The following AGBL4 variants were observed in gnomAD, a reference collection of about 807,000 sequenced individuals.
The protein encoded by AGBL4 is cytosolic carboxypeptidase 6.
Under a neutral mutation model 66.4 loss-of-function variants are expected in AGBL4, and 58 were observed. That is an observed-to-expected ratio of 0.87 (90% CI 0.71 to 1.09). The LOEUF (loss-of-function observed/expected upper bound fraction) is 1.09. AGBL4 is among the 50% of genes least tolerant of loss of function. The probability of loss-of-function intolerance (pLI) is 0.00; values close to 1 mark genes in which losing one functional copy is unlikely to be tolerated. For missense variants in AGBL4, 579 were observed against 631.0 expected, an observed-to-expected ratio of 0.92 and a Z score of 0.88; for synonymous variants, 234 against 222.9, an observed-to-expected ratio of 1.05 and a Z score of -0.44.
At chr1:49,609,207 C>T (rs1645111327) in intron 3 of AGBL4, among the ~76,000 whole-genome samples, 2 of 152,162 alleles carry the variant, frequency 1.3e-5, no homozygotes, top group Non-Finnish European at 2.9e-5. Context: ...TTTCCTAGTA[C>T]TAGAATTCAA....
At chr1:49,382,650 A>T (rs1644646535) in intron 3 of AGBL4, among the ~76,000 whole-genome samples, 2 of 152,204 alleles carry the variant, frequency 1.3e-5, no homozygotes, top group African/African-American at 2.4e-5. Flanking sequence ...CAGTACTGGA[A>T]GTCCTAGTCA....
chr1:49,998,492 G>A (rs1660519388), intron 1 of AGBL4, among the ~76,000 whole-genome samples: 1 of 152,096 alleles, frequency 6.6e-6, no homozygotes, highest in South Asian at 2.1e-4. Context: ...ATTCACAGCT[G>A]AATTGTATCA....
intron 3 of AGBL4, among the ~76,000 whole-genome samples, chr1:49,247,105 A>C (rs1651706809): frequency 6.6e-6 from 1 of 152,096 alleles, no homozygotes; most frequent in African/African-American, 2.4e-5. Flanking sequence ...AATTCAGGGG[A>C]TAAACAGATA....
the AGBL4 span, among the ~76,000 whole-genome samples, chr1:48,524,482 G>A: frequency 1.7e-4 from 26 of 152,194 alleles, no homozygotes; most frequent in African/African-American, 6.3e-4. Context: ...ACTGGGACTG[G>A]GAAAGAGGAG....
chr1:49,644,073 A>G (rs894494226), intron 3 of AGBL4, among the ~76,000 whole-genome samples: 1 of 151,692 alleles, frequency 6.6e-6, no homozygotes, highest in Non-Finnish European at 1.5e-5. Context: ...GAGAGGGGGA[A>G]ATGGAAGTAT....
At chr1:49,407,981 T>C (rs1645239664) in intron 3 of AGBL4, among the ~76,000 whole-genome samples, 1 of 152,204 alleles carries the variant, frequency 6.6e-6, no homozygotes, top group East Asian at 1.9e-4. Flanking sequence ...TGGCTAACCC[T>C]GCTCCCAGGT....
At chr1:49,074,638 A>C (rs1181536392) in intron 4 of AGBL4, among the ~76,000 whole-genome samples, 1 of 152,194 alleles carries the variant, frequency 6.6e-6, no homozygotes, top group African/African-American at 2.4e-5. Flanking sequence ...TTAAAGAAAA[A>C]GTATTTGAGA....
intron 5 of AGBL4, among the ~76,000 whole-genome samples, chr1:48,881,561 G>A (rs1253828914): frequency 6.6e-6 from 1 of 152,106 alleles, no homozygotes; most frequent in Admixed American, 6.5e-5. Flanking sequence ...TAAATAACAA[G>A]GCCCCTTTCA....
At chr1:49,359,533 G>A (rs905364311) in intron 3 of AGBL4, among the ~76,000 whole-genome samples, 1 of 152,192 alleles carries the variant, frequency 6.6e-6, no homozygotes, top group African/African-American at 2.4e-5. Context: ...CCTAGCTTGT[G>A]TCAGGGGCTA....
At chr1:48,834,054 T>C (rs1487109913) in intron 6 of AGBL4, among the ~76,000 whole-genome samples, 1 of 152,164 alleles carries the variant, frequency 6.6e-6, no homozygotes, top group African/African-American at 2.4e-5. Flanking sequence ...GAGTTCTCCC[T>C]GGTATGTTTT....
At chr1:48,531,747 T>C (rs1643907636), downstream of AGBL4, among the ~76,000 whole-genome samples, 1 of 136,648 alleles carries the variant, frequency 7.3e-6, no homozygotes, top group South Asian at 2.6e-4. Context: ...CTATTCCCAC[T>C]CCCTCTTATT....
At chr1:48,618,967 A>G (rs1218234174) in intron 9 of AGBL4, among the ~76,000 whole-genome samples, 1 of 151,906 alleles carries the variant, frequency 6.6e-6, no homozygotes, top group East Asian at 1.9e-4. Context: ...GGAAATCAAT[A>G]GAATTTCTCC....
At chr1:48,808,313 C>T (rs917113558) in intron 6 of AGBL4, among the ~76,000 whole-genome samples, 11 of 152,210 alleles carry the variant, frequency 7.2e-5, no homozygotes, top group African/African-American at 2.2e-4. Flanking sequence ...GCACCTTAAA[C>T]ATTCTGTCTT....
intron 5 of AGBL4, among the ~76,000 whole-genome samples, chr1:48,997,368 C>T (rs1661096250): frequency 6.6e-6 from 1 of 152,160 alleles, no homozygotes; most frequent in African/African-American, 2.4e-5. Flanking sequence ...TGTGGGTAAG[C>T]ATACAAGTAG....
chr1:49,575,453 G>A (rs150245391), intron 3 of AGBL4, among the ~76,000 whole-genome samples: 2,410 of 152,234 alleles, frequency 0.016, 30 homozygotes, highest in Non-Finnish European at 0.024. Context: ...CCTCTACCTA[G>A]AAAAAATAGT....
intron 5 of AGBL4, among the ~76,000 whole-genome samples, chr1:48,941,581 A>T (rs1050810158): frequency 6.6e-6 from 1 of 152,200 alleles, no homozygotes; most frequent in Non-Finnish European, 1.5e-5. Context: ...ACTCCTTGGG[A>T]TCCTTTAAGC....
chr1:48,694,783 C>A (rs1646688978), intron 6 of AGBL4, among the ~76,000 whole-genome samples: 1 of 152,120 alleles, frequency 6.6e-6, no homozygotes, highest in Non-Finnish European at 1.5e-5. Flanking sequence ...TTGAAACTTT[C>A]CTGACTCTCC....
In AGBL4 at chr1:48,928,729, TAATTATATAGGCATAATAATAG is replaced by T. The variant is rs527277821; in HGVS notation, c.595-61521_595-61500del. On this transcript the variant is annotated intron_variant, in intron 5 of 13. Transcript: ENST00000371839. ...AGACATATAGGCATAATAATAGGCA[TAATTATATAGGCATAATAATAG>T]ACATAATATATATAGGCATAATAAT... Among the ~76,000 whole-genome samples the T allele has an allele frequency of 2.0e-3, 307 of 150,716 alleles. 1 individual carries two copies. Among genetic ancestry groups the T allele is most frequent in the African/African-American group, 7.3e-3 (291 of 40,122 alleles).
intron 4 of AGBL4, among the ~76,000 whole-genome samples, chr1:49,051,507 T>A (rs1644210146): frequency 6.6e-6 from 1 of 152,260 alleles, no homozygotes; most frequent in East Asian, 1.9e-4. Flanking sequence ...TGAGGTAAGA[T>A]TTCATTCCTT....
Sources: allele counts gnomAD v4.1 joint callset (sites outside exome capture counted in the v4.1 genomes callset), GRCh38; gene constraint gnomAD v4.1.1; transcripts MANE v1.5; gene names NCBI Gene and HGNC (gene_info 2026-07-23, HGNC 2026-07-21).